DHRS2: variants seen among roughly 807,000 people sequenced by gnomAD.
DHRS2 encodes dehydrogenase/reductase SDR family member 2, mitochondrial.
DHRS2 carries 29 observed loss-of-function variants against 26.3 expected under a neutral mutation model. The observed-to-expected ratio is 1.10, with a 90% confidence interval of 0.82 to 1.50. DHRS2 has a LOEUF of 1.50. Ranked by LOEUF, DHRS2 falls within the 40% of genes most tolerant of loss-of-function variation. DHRS2 has a pLI of 0.00. For synonymous variants in DHRS2, 164 were observed against 151.3 expected, an observed-to-expected ratio of 1.08 and a Z score of -0.62; for missense variants, 439 against 367.1, an observed-to-expected ratio of 1.20 and a Z score of -1.60.
intron 4 of DHRS2, chr14:23,642,309 A>C (rs944971229): frequency 1.8e-5 from 5 of 285,054 alleles, no homozygotes; most frequent in African/African-American, 2.3e-5. Context: ...CACCAACCTC[A>C]CTCTTGCTTT....
upstream of DHRS2, among the ~76,000 whole-genome samples, chr14:23,631,939 T>C (rs955148498): frequency 1.3e-5 from 2 of 152,182 alleles, no homozygotes; most frequent in Admixed American, 1.3e-4. Flanking sequence ...TGCAGGTTGT[T>C]TACCTGCAAC....
intron 4 of DHRS2, chr14:23,640,795 G>C (rs1234362219): frequency 1.3e-5 from 2 of 152,250 alleles, no homozygotes; most frequent in African/African-American, 4.8e-5. Context: ...GAGATGATCT[G>C]AAATTTGAGC....
intron 3 of DHRS2, 46 bp from the exon 4 acceptor site, chr14:23,639,748 G>T: frequency 6.5e-7 from 1 of 1,545,228 alleles, no homozygotes; most frequent in Non-Finnish European, 8.7e-7. Context: ...GGGAGGGATA[G>T]TCCTCCTCAG....
At position 23,637,253 on chromosome 14, in the gene DHRS2, A is replaced by G. The variant is rs146365851; in HGVS notation, c.-39+481A>G. Among the ~76,000 whole-genome samples, 468 of 152,194 alleles carry G rather than the reference A, an allele frequency of 3.1e-3. 2 individuals are homozygous for G. The highest frequency in any genetic ancestry group is 0.011 in the African/African-American group (452 of 41,512). ...ACTCCCTGTCTCTGGTGCTTTTCTA[A>G]TTTCTCTTATAAGAATGATTTCTAG... On this transcript the variant is annotated intron_variant, in intron 1 of 8. Transcript: ENST00000250383.
chr14:23,639,971 A>C (rs1890569280), intron 4 of DHRS2, 76 bp downstream of exon 4: 3 of 1,260,132 alleles, frequency 2.4e-6, no homozygotes, highest in Non-Finnish European at 3.1e-6. Context: ...GCCTGTGCCC[A>C]CCAAGACTCT....
In DHRS2 at chr14:23,644,823, C is replaced by T; in HGVS notation, c.676-4C>T. ...TGACTCCTTCATTTCTTCCCTTTGCCCAGTTTCATGGGAATGAGTCTCTCT... is the reference window on the plus strand; with the variant it reads ...TGACTCCTTCATTTCTTCCCTTTGCTCAGTTTCATGGGAATGAGTCTCTCT... On this transcript the variant is annotated splice_region_variant and splice_polypyrimidine_tract_variant and intron_variant, in intron 7 of 8. Coordinates refer to ENST00000250383, the MANE Select transcript of DHRS2 (RefSeq NM_005794.4). 2 of 1,614,186 alleles carry T rather than the reference C, an allele frequency of 1.2e-6. No homozygotes were observed. Among genetic ancestry groups the T allele is most frequent in the Non-Finnish European group, 1.7e-6 (2 of 1,180,010 alleles).
In DHRS2 at chr14:23,638,894, G is replaced by T; in HGVS notation, c.30G>T (p.Gln10His). ...TGTCAGCAGTTGCCCGGGGCTACCA[G>T]GGCTGGTTTCATCCCTGTGCTAGGC... MLSAVARGY[Q>H]GWFHPCARLS... Residue 10 changes from glutamine (Q) to histidine (H), a missense_variant, in exon 2 of 9, where the codon CAG (glutamine) becomes CAT (histidine). By Grantham distance (24) the Gln-to-His change is conservative (BLOSUM62 0). Transcript: ENST00000250383. The T allele has an allele frequency of 6.2e-7, 1 of 1,614,156 alleles. No individual in the cohort carries two copies. Among genetic ancestry groups the T allele is most frequent in the Non-Finnish European group, 8.5e-7 (1 of 1,180,020 alleles).
chr14:23,643,344 ATCT>A, intron 5 of DHRS2, 125 bp downstream of exon 5: 4 of 840,326 alleles, frequency 4.8e-6, no homozygotes, highest in Non-Finnish European at 7.7e-6. Flanking sequence ...CACATCCCTC[ATCT>A]TCTTGTCCTG....
chr14:23,630,341 C>T (rs1487356939), intron 1 of DHRS2: 1 of 152,350 alleles, frequency 6.6e-6, no homozygotes, highest in Non-Finnish European at 1.5e-5. Context: ...ACTGGAACTG[C>T]CCATCTTCAC....
rs138529470 is a variant in DHRS2 at position 23,644,425 on chromosome 14, A to G, written c.557A>G (p.Asn186Ser). Residue 186 changes from asparagine (N) to serine (S), a missense_variant, in exon 7 of 9, where the codon AAT becomes AGT. Asn to Ser is a conservative substitution (Grantham distance 46). Coordinates refer to ENST00000250383, the MANE Select transcript of DHRS2 (RefSeq NM_005794.4). ...CCTTCCCAGGCGCTGGGTGTCTACAATGTCAGCAAGACAGCGCTGCTGGGT... is the reference window on the plus strand; with the variant it reads ...CCTTCCCAGGCGCTGGGTGTCTACAGTGTCAGCAAGACAGCGCTGCTGGGT... ...YNPVVALGVY[N>S]VSKTALLGLT... 8,625 of 1,614,118 alleles carry G rather than the reference A, an allele frequency of 5.3e-3. 36 individuals carry two copies. The highest frequency in any genetic ancestry group is 8.4e-3 in the Middle Eastern group (51 of 6,062).
At chr14:23,634,224 C>A (rs1890204257), upstream of DHRS2, among the ~76,000 whole-genome samples, 1 of 152,018 alleles carries the variant, frequency 6.6e-6, no homozygotes, top group African/African-American at 2.4e-5. Context: ...TGCGCCACCA[C>A]ACCTGGCTAA....
upstream of DHRS2, among the ~76,000 whole-genome samples, chr14:23,631,881 G>T (rs934630225): frequency 6.6e-6 from 1 of 152,188 alleles, no homozygotes; most frequent in Admixed American, 6.5e-5. Context: ...GAGGGGCTTT[G>T]CATGGGAAGG....
chr14:23,632,852 C>T (rs1890159149), upstream of DHRS2, among the ~76,000 whole-genome samples: 1 of 152,200 alleles, frequency 6.6e-6, no homozygotes. Flanking sequence ...CTGCCAGAGC[C>T]TGCCTCTCTT....
upstream of DHRS2, among the ~76,000 whole-genome samples, chr14:23,631,751 C>CTG (rs1250888203): frequency 6.6e-6 from 1 of 152,158 alleles, no homozygotes; most frequent in African/African-American, 2.4e-5. Flanking sequence ...CTCCCAGGAC[C>CTG]TGTGGTCAAT....
rs1260441427 is a variant in DHRS2, at chr14:23,645,546, G to A, written c.*293G>A. ...GGAGGAATCTTAAGGGAAAGGAGTA[G>A]AAGCTCAGGCCTTTGAAGGATTTCA... On this transcript the variant is annotated 3_prime_UTR_variant, in exon 9 of 9. Transcript: ENST00000250383. 9 of 497,246 alleles carry A rather than the reference G, an allele frequency of 1.8e-5. No homozygotes were observed. The East Asian group carries it at 3.0e-4, about 16-fold the overall frequency. The allele number at this position is 497,246 out of a possible 1,614,324, so 30.8% of individuals were successfully genotyped here.
In DHRS2 at chr14:23,637,153, G is replaced by C. The variant is rs148818668; in HGVS notation, c.-39+381G>C. Among the ~76,000 whole-genome samples, 470 of 152,228 alleles carry C rather than the reference G, an allele frequency of 3.1e-3. 2 individuals carry two copies. Among genetic ancestry groups the C allele is most frequent in the African/African-American group, 0.011 (454 of 41,548 alleles). ...ATCCTATCTATCCTGACCCTTGCTCGCTGGGTCCTAATGCCTGCCAGACAA... is the reference window on the plus strand; with the variant it reads ...ATCCTATCTATCCTGACCCTTGCTCCCTGGGTCCTAATGCCTGCCAGACAA... On this transcript the variant is annotated intron_variant, in intron 1 of 8. Coordinates refer to ENST00000250383, the MANE Select transcript of DHRS2 (RefSeq NM_005794.4).
At chr14:23,641,956 C>G in intron 4 of DHRS2, 1 of 1,155,630 alleles carries the variant, frequency 8.7e-7, no homozygotes, top group Non-Finnish European at 1.1e-6. Flanking sequence ...ATGTCAGTCC[C>G]ACCTGGCACT....
chr14:23,633,341 C>T (rs1169773939), upstream of DHRS2, among the ~76,000 whole-genome samples: 1 of 152,182 alleles, frequency 6.6e-6, no homozygotes, highest in East Asian at 1.9e-4. Context: ...TCAGCACCGG[C>T]CTGCTGGAGT....
At chr14:23,634,357 G>A (rs1038872694), upstream of DHRS2, among the ~76,000 whole-genome samples, 1 of 152,104 alleles carries the variant, frequency 6.6e-6, no homozygotes, top group African/African-American at 2.4e-5. Context: ...ATGAGCCACC[G>A]TGCCTAGCCT....
Sources: gnomAD v4.1 joint callset for allele counts (sites outside exome capture counted in the v4.1 genomes callset) on GRCh38, gnomAD v4.1.1 for gene constraint, MANE v1.5 for transcripts, NCBI Gene and HGNC (gene_info 2026-07-23, HGNC 2026-07-21) for gene names.